Variants in GALNT10 observed in about 807,000 individuals in gnomAD.
The protein encoded by GALNT10 is polypeptide N-acetylgalactosaminyltransferase 10, also known as GalNAc transferase 10.
A neutral mutation model predicts 75.0 loss-of-function variants in GALNT10; 41 were observed. The observed-to-expected ratio is 0.55, with a 90% CI of 0.43 to 0.71. The LOEUF is 0.71. Among genes scored for constraint, GALNT10 ranks in the 30% least tolerant of loss-of-function variants. The probability of loss-of-function intolerance (pLI) is 0.00; values close to 1 mark genes in which losing one functional copy is unlikely to be tolerated. For missense variants in GALNT10, 727 were observed against 818.5 expected (o/e 0.89, Z 1.36); for synonymous variants, 302 against 313.0 (o/e 0.96, Z 0.37).
intron 1 of GALNT10, among the ~76,000 whole-genome samples, chr5:154,271,158 G>A (rs1459312214): frequency 1.3e-5 from 2 of 152,142 alleles, no homozygotes; most frequent in African/African-American, 4.8e-5. Flanking sequence ...GGGGCTGTAT[G>A]TAGATCTGGT....
chr5:154,375,481 C>T (rs1210471605), intron 4 of GALNT10, among the ~76,000 whole-genome samples: 1 of 152,102 alleles, frequency 6.6e-6, no homozygotes, highest in East Asian at 1.9e-4. Flanking sequence ...GAAATCCAGC[C>T]CACATTAGGA....
intron 1 of GALNT10, among the ~76,000 whole-genome samples, chr5:154,195,142 A>G (rs560041945): frequency 1.3e-5 from 2 of 152,368 alleles, no homozygotes; most frequent in Non-Finnish European, 2.9e-5. Flanking sequence ...CTAGCTTGCT[A>G]ATTGTACCTT....
At chr5:154,327,092 A>C (rs114859520) in intron 3 of GALNT10, among the ~76,000 whole-genome samples, 1 of 151,968 alleles carries the variant, frequency 6.6e-6, no homozygotes, top group Admixed American at 6.6e-5. Flanking sequence ...GGTGGCGTGC[A>C]CCTGTAGTCC....
chr5:154,230,018 CTCA>C (rs1260442636), intron 1 of GALNT10, among the ~76,000 whole-genome samples: 1 of 149,294 alleles, frequency 6.7e-6, no homozygotes, highest in African/African-American at 2.4e-5. Flanking sequence ...AAGTCTCACT[CTCA>C]AGGGATCTTC....
At chr5:154,259,646 C>G (rs753027474) in intron 1 of GALNT10, among the ~76,000 whole-genome samples, 5 of 152,100 alleles carry the variant, frequency 3.3e-5, no homozygotes, top group Admixed American at 6.6e-5. Flanking sequence ...ACCTCCTCCC[C>G]TAAAACAACC....
rs1418659566 is a variant in GALNT10, at chr5:154,416,818, A to G, written c.1658A>G (p.Lys553Arg). The G allele has an allele frequency of 6.2e-7, 1 of 1,612,758 alleles. No homozygotes were observed. The highest frequency in any genetic ancestry group is 8.5e-7 in the Non-Finnish European group (1 of 1,178,846). The change falls in exon 12 of 12, where the codon AAG (lysine) becomes AGG (arginine). Residue 553 changes from lysine to arginine, a missense_variant. Coordinates refer to ENST00000297107, the MANE Select transcript of GALNT10 (RefSeq NM_198321.4). This position sits in a 1 kb window ranked among gnomAD's most constrained non-coding sequence, Gnocchi z 4.5. The stretch of plus-strand genomic sequence containing the variant: ...TATTACCTCCATGTTTTGTAGGACA[A>G]GACCCTGTACCACCCTGTCAGTGGC... Reference protein sequence around the residue: ...GNQLWKYRKDKTLYHPVSGSC... With the variant: ...GNQLWKYRKDRTLYHPVSGSC...
At position 154,344,209 on chromosome 5, in the gene GALNT10, CTTTTTTTTT is replaced by C. The variant is rs869306243; in HGVS notation, c.568+14479_568+14487del. On this transcript the variant is annotated intron_variant, in intron 4 of 11. Coordinates refer to ENST00000297107, the MANE Select transcript of GALNT10 (RefSeq NM_198321.4). ...AATAAATTTCTTTCTTTCTTTCTTT[CTTTTTTTTT>C]TTTTTTTGAGACAGAGTCTCACTCT... 7.9e-3 allele frequency among the ~76,000 whole-genome samples: 282 copies of C among 35,508 alleles called. 1 individual carries two copies. The highest frequency in any genetic ancestry group is 0.023 in the Admixed American group (58 of 2,574). 23.3% of individuals were successfully genotyped at this position (35,508 alleles called of 152,430 possible).
intron 3 of GALNT10, among the ~76,000 whole-genome samples, chr5:154,325,635 A>G (rs1754745642): frequency 1.3e-5 from 2 of 151,926 alleles, no homozygotes; most frequent in Admixed American, 1.3e-4. Context: ...TAGATGCAAA[A>G]AAAAAAAAAG....
rs772523857 is a variant in GALNT10, at chr5:154,294,771, T to A, written c.160-45T>A. On this transcript the variant is annotated intron_variant, in intron 1 of 11. Coordinates refer to ENST00000297107, the MANE Select transcript of GALNT10 (RefSeq NM_198321.4). ...AGTGTAACTCCTGGGCCTGTGTTAC[T>A]GATTTGCCCTTTTCTATTTTTCATA... is the stretch of plus-strand genomic sequence containing the variant. 23 of 1,012,382 alleles carry A rather than the reference T, an allele frequency of 2.3e-5. No homozygotes were observed. The South Asian group carries it at 3.0e-4, about 13-fold the overall frequency. The allele number at this position is 1,012,382 out of a possible 1,614,324, so 62.7% of individuals were successfully genotyped here. A position where few individuals can be genotyped will look rare whatever the true frequency, so the allele number is the denominator to read the frequency against.
intron 8 of GALNT10, among the ~76,000 whole-genome samples, chr5:154,405,876 G>GT (rs201645212): frequency 0.6 from 88,539 of 146,588 alleles, 26,778 homozygotes; most frequent in East Asian, 0.85. Context: ...TGTTGCTGTT[G>GT]TTTTTTTTTT....
At chr5:154,296,559 A>G (rs1176228903) in intron 2 of GALNT10, among the ~76,000 whole-genome samples, 2 of 152,212 alleles carry the variant, frequency 1.3e-5, no homozygotes, top group Admixed American at 1.3e-4. Flanking sequence ...TGTGCCAGGC[A>G]TCTTGCCTGC....
intron 1 of GALNT10, 67 bp downstream of exon 1, chr5:154,191,092 C>T: frequency 9.4e-7 from 1 of 1,059,028 alleles, no homozygotes; most frequent in Non-Finnish European, 1.3e-6. Flanking sequence ...CCTGTGGTTC[C>T]TTCCTCCACC....
At position 154,190,955 on chromosome 5, in the gene GALNT10, T is replaced by C; in HGVS notation, c.89T>C (p.Leu30Pro). 1 of 1,510,190 alleles carries C rather than the reference T, an allele frequency of 6.6e-7. No individual in the cohort carries two copies. Among genetic ancestry groups the C allele is most frequent in the East Asian group, 2.6e-5 (1 of 38,672 alleles). The allele number at this position is 1,510,190 out of a possible 1,614,324, so 93.5% of individuals were successfully genotyped here. Residue 30 changes from leucine to proline, a missense_variant, in exon 1 of 12, where the codon CTG (leucine) becomes CCG (proline). Leu to Pro is a moderately conservative substitution (Grantham distance 98, BLOSUM62 -3). Transcript: ENST00000297107. Reference protein sequence around the residue: ...VLLPNVGLWALYRERQPDGTP... With the variant: ...VLLPNVGLWAPYRERQPDGTP... Reference sequence around the variant, plus strand: ...CTGCCCAACGTGGGGCTTTGGGCGCTGTACCGCGAGCGGCAGCCCGACGGC... The same window carrying C: ...CTGCCCAACGTGGGGCTTTGGGCGCCGTACCGCGAGCGGCAGCCCGACGGC...
chr5:154,292,275 C>T (rs1581959111), intron 1 of GALNT10, among the ~76,000 whole-genome samples: 1 of 152,220 alleles, frequency 6.6e-6, no homozygotes, highest in Admixed American at 6.5e-5. Context: ...TTGCTGGGCC[C>T]CATCCCCAGA....
At chr5:154,217,067 T>G (rs564712950) in intron 1 of GALNT10, among the ~76,000 whole-genome samples, 1 of 152,318 alleles carries the variant, frequency 6.6e-6, no homozygotes, top group South Asian at 2.1e-4. Flanking sequence ...GTTGAGCCAT[T>G]TGCCCATAAA....
At chr5:154,229,434 G>T (rs1021168372) in intron 1 of GALNT10, among the ~76,000 whole-genome samples, 5 of 152,166 alleles carry the variant, frequency 3.3e-5, no homozygotes, top group Non-Finnish European at 7.3e-5. Context: ...TCCCTGCAAA[G>T]ATTGTAAGTT....
At chr5:154,286,869 A>G (rs939824913) in intron 1 of GALNT10, among the ~76,000 whole-genome samples, 2 of 152,290 alleles carry the variant, frequency 1.3e-5, no homozygotes, top group Admixed American at 6.5e-5. Flanking sequence ...CTGGGTTGTA[A>G]TGCCTCCTTC....
At chr5:154,324,932 AG>A (rs1309340191) in intron 3 of GALNT10, among the ~76,000 whole-genome samples, 1 of 152,220 alleles carries the variant, frequency 6.6e-6, no homozygotes, top group Non-Finnish European at 1.5e-5. Context: ...AAAAAATGCA[AG>A]GATCAACCAT....
At position 154,372,749 on chromosome 5, in the gene GALNT10, C is replaced by T. The variant is rs187915744; in HGVS notation, c.569-3528C>T. ...GTCCGACACATGGACCTCGGCAGCC[C>T]CTGGGGCAGAATGGCAGATGCTGGC... On this transcript the variant is annotated intron_variant, in intron 4 of 11. Coordinates refer to ENST00000297107, the MANE Select transcript of GALNT10 (RefSeq NM_198321.4). 5.7e-4 allele frequency among the ~76,000 whole-genome samples: 87 copies of T among 152,140 alleles called. No homozygotes were observed. In the East Asian group the frequency reaches 0.012, roughly 21 times the overall value.
Sources: gnomAD v4.1 joint callset for allele counts (sites outside exome capture counted in the v4.1 genomes callset) on GRCh38, gnomAD v4.1.1 for gene constraint, Gnocchi (gnomAD v3.1) non-coding constraint, MANE v1.5 for transcripts, NCBI Gene and HGNC (gene_info 2026-07-23, HGNC 2026-07-21) for gene names.